NRXN3: variants seen among roughly 807,000 people sequenced by gnomAD.
The protein encoded by NRXN3 is neurexin III.
In NRXN3, 32 loss-of-function variants were observed where a neutral mutation model predicts 137.6. That is an observed-to-expected ratio of 0.23 (90% CI 0.18 to 0.31). The LOEUF is 0.31. Among genes scored for constraint, NRXN3 ranks in the 10% least tolerant of loss-of-function variants. The pLI, the probability that NRXN3 is intolerant of heterozygous loss-of-function variation, is 1.00. For missense variants in NRXN3, 1,574 were observed against 2,062.5 expected (o/e 0.76, Z 4.59); for synonymous variants, 798 against 784.5 (o/e 1.02, Z -0.29).
intron 4 of NRXN3, among the ~76,000 whole-genome samples, chr14:78,437,830 A>T (rs2094123386): frequency 6.6e-6 from 1 of 152,226 alleles, no homozygotes; most frequent in African/African-American, 2.4e-5. Flanking sequence ...TTTCATGAAC[A>T]CCTTAACTAA....
intron 15 of NRXN3, among the ~76,000 whole-genome samples, chr14:79,437,778 C>A (rs1600280321): frequency 6.6e-6 from 1 of 152,176 alleles, no homozygotes; most frequent in Non-Finnish European, 1.5e-5. Context: ...AGCACTACAT[C>A]CTCATCAACC....
At chr14:79,758,861 C>T (rs2099029002) in intron 19 of NRXN3, among the ~76,000 whole-genome samples, 2 of 152,302 alleles carry the variant, frequency 1.3e-5, no homozygotes, top group Middle Eastern at 3.4e-3. Context: ...GGTTTTCTAG[C>T]ATGGGTTGCC....
chr14:78,753,822 T>C (rs1035955854), intron 8 of NRXN3: 2 of 152,176 alleles, frequency 1.3e-5, no homozygotes, highest in Non-Finnish European at 2.9e-5. Flanking sequence ...GTCTAGTCAA[T>C]AGAAGAAGCC....
rs530255509 is a variant in NRXN3, at chr14:79,651,416, G to A, written c.3445-12362G>A. ...GCACTTGTCTTGCTAGCAGAAGAAT[G>A]CAAAGGTGCTTTCACCATTGTGTCA... On this transcript the variant is annotated intron_variant, in intron 16 of 20. Transcript: ENST00000335750. Among the ~76,000 whole-genome samples, 12 of 152,290 alleles carry A rather than the reference G, an allele frequency of 7.9e-5. No individual in the cohort carries two copies. The East Asian group carries it at 2.3e-3, about 29-fold the overall frequency.
intron 2 of NRXN3, among the ~76,000 whole-genome samples, chr14:78,248,292 A>C (rs1341329204): frequency 0.11 from 677 of 6,238 alleles, no homozygotes; most frequent in Admixed American, 0.18. Context: ...GTGACTAGCC[A>C]CCGCCCCCCG....
intron 1 of NRXN3, among the ~76,000 whole-genome samples, chr14:78,239,234 A>G (rs2066756743): frequency 6.6e-6 from 1 of 152,220 alleles, no homozygotes; most frequent in Non-Finnish European, 1.5e-5. Context: ...GGAGCCCCCC[A>G]TCAGCAATCT....
chr14:78,803,723 G>A lies in NRXN3; in HGVS notation c.2148G>A (p.Gln716=), dbSNP rs374279636. 1.2e-6 allele frequency: 2 copies of A among 1,614,106 alleles called. No individual in the cohort carries two copies. The highest frequency in any genetic ancestry group is 1.7e-6 in the Non-Finnish European group (2 of 1,179,984). The part of the protein sequence containing the change: ...AEDVSFRFMS[Q]RAYGLLVATT... ...ATGTGTCCTTCCGCTTCATGTCCCA[G>A]CGAGCTTATGGGCTGCTGGTGGCTA... Residue 716 remains glutamine (Q), a synonymous_variant, in exon 9 of 21, where the codon CAG becomes CAA. Transcript: ENST00000335750.
At chr14:79,660,826 C>G (rs964796951) in intron 16 of NRXN3, among the ~76,000 whole-genome samples, 3 of 152,108 alleles carry the variant, frequency 2.0e-5, no homozygotes, top group Non-Finnish European at 4.4e-5. Flanking sequence ...AAACAGCCCT[C>G]ATTTGTGGGG....
At chr14:78,911,206 T>C (rs897070371) in intron 10 of NRXN3, among the ~76,000 whole-genome samples, 1 of 152,164 alleles carries the variant, frequency 6.6e-6, no homozygotes, top group Non-Finnish European at 1.5e-5. Flanking sequence ...TTTTTATAAA[T>C]GAGAAAGCTG....
intron 17 of NRXN3, among the ~76,000 whole-genome samples, chr14:79,675,038 T>C (rs910694407): frequency 6.6e-6 from 1 of 151,930 alleles, no homozygotes; most frequent in Non-Finnish European, 1.5e-5. Flanking sequence ...TGGAAAGGGG[T>C]CCTATTATTA....
At chr14:78,363,252 C>G (rs2085403458) in intron 4 of NRXN3, among the ~76,000 whole-genome samples, 1 of 152,180 alleles carries the variant, frequency 6.6e-6, no homozygotes, top group East Asian at 1.9e-4. Flanking sequence ...TCATGAAGCA[C>G]TCCTCTAACC....
intron 15 of NRXN3, among the ~76,000 whole-genome samples, chr14:79,218,393 TA>T (rs2153231010): frequency 6.6e-6 from 1 of 152,274 alleles, no homozygotes; most frequent in South Asian, 2.1e-4. Context: ...TTATAGGAAT[TA>T]AAAGCATCCA....
chr14:78,536,157 C>G (rs1450587511), intron 4 of NRXN3, among the ~76,000 whole-genome samples: 1 of 152,168 alleles, frequency 6.6e-6, no homozygotes, highest in Non-Finnish European at 1.5e-5. Flanking sequence ...GGGGCTTGCT[C>G]TTTGCTAATG....
At position 79,077,692 on chromosome 14, in the gene NRXN3, C is replaced by A. The variant is rs538877573; in HGVS notation, c.3262+89551C>A. The stretch of plus-strand genomic sequence containing the variant: ...TAAACCTATCAGTTGTATTGCAGAT[C>A]AGCCCCTTATAATTGGTGATGTGGT... On this transcript the variant is annotated intron_variant, in intron 15 of 20. Transcript: ENST00000335750. 1.8e-4 allele frequency among the ~76,000 whole-genome samples: 28 copies of A among 152,258 alleles called. No homozygotes were observed. The South Asian group carries it at 5.6e-3, about 30-fold the overall frequency.
chr14:78,771,310 T>C (rs1405264574), intron 8 of NRXN3, among the ~76,000 whole-genome samples: 1 of 152,206 alleles, frequency 6.6e-6, no homozygotes, highest in Non-Finnish European at 1.5e-5. Context: ...ACACCTCAGA[T>C]GGATTCTAGG....
chr14:78,591,511 C>G (rs891925601), intron 4 of NRXN3, among the ~76,000 whole-genome samples: 2 of 152,150 alleles, frequency 1.3e-5, no homozygotes, highest in African/African-American at 4.8e-5. Flanking sequence ...GTCACTGACA[C>G]TCTAAGACTC....
At chr14:79,462,596 CTTAA>C (rs2153605750) in intron 15 of NRXN3, among the ~76,000 whole-genome samples, 1 of 150,476 alleles carries the variant, frequency 6.6e-6, no homozygotes, top group African/African-American at 2.4e-5. Context: ...AGATCACTCA[CTTAA>C]TTAGCTATAT....
chr14:79,378,083 T>C (rs934154338), intron 15 of NRXN3, among the ~76,000 whole-genome samples: 2 of 152,224 alleles, frequency 1.3e-5, no homozygotes, highest in Non-Finnish European at 2.9e-5. Context: ...ATTCTGTTTT[T>C]CTCATTCTGA....
At chr14:78,737,030 A>G (rs1370841894) in intron 8 of NRXN3, among the ~76,000 whole-genome samples, 1 of 152,138 alleles carries the variant, frequency 6.6e-6, no homozygotes, top group Non-Finnish European at 1.5e-5. Flanking sequence ...ATATCCTCTC[A>G]TTCTTCCCTT....
Sources: gnomAD v4.1 joint callset for allele counts (sites outside exome capture counted in the v4.1 genomes callset) on GRCh38, gnomAD v4.1.1 for gene constraint, MANE v1.5 for transcripts, NCBI Gene and HGNC (gene_info 2026-07-23, HGNC 2026-07-21) for gene names.